Variants in ADCY8 observed in about 807,000 individuals in gnomAD.
ADCY8 encodes the protein adenylate cyclase 8.
In ADCY8, 51 loss-of-function variants were observed where a neutral mutation model predicts 119.7. That is an observed-to-expected ratio of 0.43 (90% CI 0.34 to 0.54). The LOEUF (loss-of-function observed/expected upper bound fraction) is 0.54. Among genes scored for constraint, ADCY8 ranks in the 20% least tolerant of loss-of-function variants. The pLI is 0.03. For missense variants in ADCY8, 1,383 were observed against 1,598.8 expected, an observed-to-expected ratio of 0.87 and a Z score of 2.30; for synonymous variants, 665 against 651.0, an observed-to-expected ratio of 1.02 and a Z score of -0.33.
Position 130,862,055 on chromosome 8 carries a change from T to C in ADCY8, c.2210+5791A>G, listed in dbSNP as rs191691724. On this transcript the variant is annotated intron_variant, in intron 9 of 17. Transcript: ENST00000286355. Reference sequence around the variant, plus strand: ...TTGGAGCATGGCGTATGCTTCTTTTTATACATTGTTAGATTTCATTTGCTA... The same window carrying C: ...TTGGAGCATGGCGTATGCTTCTTTTCATACATTGTTAGATTTCATTTGCTA... Among the ~76,000 whole-genome samples the C allele has an allele frequency of 4.4e-3, 671 of 152,322 alleles. 2 individuals carry two copies. The Middle Eastern group carries it at 0.044, about 10-fold the overall frequency.
intron 15 of ADCY8, among the ~76,000 whole-genome samples, chr8:130,799,721 T>C (rs1815706789): frequency 6.6e-6 from 1 of 152,224 alleles, no homozygotes; most frequent in Non-Finnish European, 1.5e-5. Context: ...TGCCTCAGTG[T>C]GAGACAGTTG....
chr8:130,847,537 AAG>A, intron 10 of ADCY8, 24 bp from the exon 11 acceptor site: 4 of 1,518,182 alleles, frequency 2.6e-6, no homozygotes, highest in African/African-American at 1.4e-5. Flanking sequence ...AAAAAAAAAA[AAG>A]AACAACAAAA....
At chr8:130,898,680 G>C (rs1186650831) in intron 7 of ADCY8, among the ~76,000 whole-genome samples, 1 of 152,204 alleles carries the variant, frequency 6.6e-6, no homozygotes, top group East Asian at 1.9e-4. Flanking sequence ...TCCAGGCTCT[G>C]AAAAGGGGCC....
At chr8:130,888,592 T>C (rs555655114) in intron 7 of ADCY8, among the ~76,000 whole-genome samples, 14 of 152,228 alleles carry the variant, frequency 9.2e-5, no homozygotes, top group African/African-American at 3.1e-4. Flanking sequence ...GTGCTTGAGA[T>C]AGATCAAAGT....
intron 1 of ADCY8, among the ~76,000 whole-genome samples, chr8:131,036,102 C>T (rs544907382): frequency 1.3e-5 from 2 of 152,270 alleles, no homozygotes; most frequent in South Asian, 2.1e-4. Context: ...GAATAATTGG[C>T]ATCAGAGTCA....
chr8:130,944,432 C>G lies in ADCY8; in HGVS notation c.1242-970G>C, dbSNP rs563715245. Among the ~76,000 whole-genome samples, 19 of 152,290 alleles carry G rather than the reference C, an allele frequency of 1.2e-4. No individual in the cohort carries two copies. In the East Asian group the frequency reaches 3.7e-3, roughly 29 times the overall value. Reference sequence around the variant, plus strand: ...AATTGATCACTTTAGCTGTGTCGAGCTTTTTACATCTTTTCTTAGTGTTGC... The same window carrying G: ...AATTGATCACTTTAGCTGTGTCGAGGTTTTTACATCTTTTCTTAGTGTTGC... On this transcript the variant is annotated intron_variant, in intron 3 of 17. Transcript: ENST00000286355.
intron 9 of ADCY8, among the ~76,000 whole-genome samples, chr8:130,854,874 C>G (rs1276513764): frequency 7.8e-6 from 1 of 127,638 alleles, no homozygotes; most frequent in Admixed American, 8.9e-5. Context: ...GTCACTACCT[C>G]TCTTTCTTTT....
intron 7 of ADCY8, among the ~76,000 whole-genome samples, chr8:130,898,555 T>G (rs932421871): frequency 6.6e-6 from 1 of 152,216 alleles, no homozygotes; most frequent in Non-Finnish European, 1.5e-5. Context: ...TTTCTCCATA[T>G]GACTCTTTCA....
intron 2 of ADCY8, among the ~76,000 whole-genome samples, chr8:130,961,965 A>G (rs1380310556): frequency 6.6e-6 from 1 of 152,092 alleles, no homozygotes; most frequent in Non-Finnish European, 1.5e-5. Flanking sequence ...ACAGAGTGAG[A>G]CTCTGTCTCT....
At chr8:130,802,898 C>T (rs947063662) in intron 14 of ADCY8, among the ~76,000 whole-genome samples, 2 of 152,232 alleles carry the variant, frequency 1.3e-5, no homozygotes, top group African/African-American at 2.4e-5. Context: ...CCGGCTCCCT[C>T]GCCCCTTGGG....
At chr8:130,908,174 G>A (rs868238036) in intron 6 of ADCY8, among the ~76,000 whole-genome samples, 18 of 152,124 alleles carry the variant, frequency 1.2e-4, no homozygotes, top group African/African-American at 3.9e-4. Context: ...AGCTAAACTG[G>A]CTTCCAGATA....
Position 130,903,850 on chromosome 8 carries a change from C to T in ADCY8, c.1833G>A (p.Arg611=), listed in dbSNP as rs745489581. The T allele has an allele frequency of 6.2e-7, 1 of 1,613,930 alleles. No homozygotes were observed. Among genetic ancestry groups the T allele is most frequent in the Non-Finnish European group, 8.5e-7 (1 of 1,179,976 alleles). The change falls in exon 7 of 18, where the codon CGG becomes CGA. Residue 611 remains arginine (R), a synonymous_variant. Transcript: ENST00000286355. The part of the protein sequence containing the change: ...IVKESVSSSD[R]RNSGATFTEG... ...CAGTGAATGTGGCCCCACTGTTTCTCCGGTCTGAGGAGCTCACTGACTCCT... is the reference window on the plus strand; with the variant it reads ...CAGTGAATGTGGCCCCACTGTTTCTTCGGTCTGAGGAGCTCACTGACTCCT...
At chr8:130,965,486 G>A (rs1563748155) in intron 2 of ADCY8, among the ~76,000 whole-genome samples, 1 of 152,096 alleles carries the variant, frequency 6.6e-6, no homozygotes, top group South Asian at 2.1e-4. Context: ...TAAAATAAAA[G>A]TTGAAAATAA....
intron 1 of ADCY8, 143 bp from the exon 2 acceptor site, chr8:130,990,685 C>T (rs1353457909): frequency 1.9e-6 from 2 of 1,032,504 alleles, no homozygotes; most frequent in Admixed American, 2.8e-5. Flanking sequence ...AGAGCTATGC[C>T]CTTCATTCAG....
intron 7 of ADCY8, among the ~76,000 whole-genome samples, chr8:130,899,315 A>G (rs1819515673): frequency 6.6e-6 from 1 of 152,192 alleles, no homozygotes; most frequent in African/African-American, 2.4e-5. Context: ...TTTGAAATGT[A>G]AGCTCCTGGG....
At chr8:130,848,736 C>T (rs1300056864) in intron 10 of ADCY8, among the ~76,000 whole-genome samples, 2 of 152,178 alleles carry the variant, frequency 1.3e-5, no homozygotes, top group African/African-American at 4.8e-5. Flanking sequence ...CCAAACAAAT[C>T]ACCTCAAAAA....
chr8:130,972,502 C>T (rs1274140654), intron 2 of ADCY8, among the ~76,000 whole-genome samples: 1 of 151,970 alleles, frequency 6.6e-6, no homozygotes, highest in Non-Finnish European at 1.5e-5. Flanking sequence ...AATAATAAAG[C>T]CAGAAATAGG....
intron 3 of ADCY8, 35 bp from the exon 4 acceptor site, chr8:130,943,497 G>GGGGGGGGGCCCCACC: frequency 2.0e-6 from 1 of 491,356 alleles, no homozygotes; most frequent in Non-Finnish European, 4.2e-6. Context: ...GTGGGGGGAG[G>GGGGGGGGGCCCCACC]AAGTATATTA....
At chr8:130,990,112 T>C (rs900220665) in intron 2 of ADCY8, among the ~76,000 whole-genome samples, 11 of 152,346 alleles carry the variant, frequency 7.2e-5, no homozygotes, top group African/African-American at 1.4e-4. Context: ...AATCATGACC[T>C]TGTTCACAAA....
Sources: gnomAD v4.1 joint callset for allele counts (sites outside exome capture counted in the v4.1 genomes callset) on GRCh38, gnomAD v4.1.1 for gene constraint, MANE v1.5 for transcripts, NCBI Gene and HGNC (gene_info 2026-07-23, HGNC 2026-07-21) for gene names.